MYRIP: variants seen among roughly 807,000 people sequenced by gnomAD.
MYRIP encodes myosin VIIA and Rab interacting protein.
A neutral mutation model predicts 98.0 loss-of-function variants in MYRIP; 49 were observed. The observed-to-expected ratio is 0.50, with a 90% CI of 0.40 to 0.63. The LOEUF is 0.63. MYRIP is among the 30% of genes least tolerant of loss of function. The pLI, the probability that MYRIP is intolerant of heterozygous loss-of-function variation, is 0.00. For synonymous variants in MYRIP, 404 were observed against 409.5 expected (o/e 0.99, Z 0.16); for missense variants, 1,004 against 1,058.2 (o/e 0.95, Z 0.71).
At chr3:39,901,037 T>A (rs372919210) in intron 2 of MYRIP, 111 bp downstream of exon 2, 4 of 726,978 alleles carry the variant, frequency 5.5e-6, no homozygotes, top group Admixed American at 5.0e-5. Flanking sequence ...TATACACTTA[T>A]GTTTGTCAGA....
intron 11 of MYRIP, among the ~76,000 whole-genome samples, chr3:40,229,543 G>A (rs570688444): frequency 3.0e-4 from 46 of 152,326 alleles, no homozygotes; most frequent in Non-Finnish European, 4.7e-4. Context: ...CTTCACGGAG[G>A]TTGACAGTAG....
intron 1 of MYRIP, among the ~76,000 whole-genome samples, chr3:39,880,561 G>C (rs1943133749): frequency 6.6e-6 from 1 of 152,198 alleles, no homozygotes; most frequent in Admixed American, 6.5e-5. Flanking sequence ...GAACCAGACA[G>C]CTTGGTTCAT....
chr3:40,223,535 G>A (rs1205225206), intron 11 of MYRIP, among the ~76,000 whole-genome samples: 3 of 152,194 alleles, frequency 2.0e-5, no homozygotes, highest in African/African-American at 7.2e-5. Flanking sequence ...TCTTTTGGGA[G>A]GGGAATAGGG....
intron 12 of MYRIP, among the ~76,000 whole-genome samples, 163 bp from the exon 13 acceptor site, chr3:40,244,283 A>G (rs990563814): frequency 1.3e-5 from 2 of 152,214 alleles, no homozygotes; most frequent in Non-Finnish European, 2.9e-5. Context: ...GACCTCACAC[A>G]TTTAAGTGTG....
intron 3 of MYRIP, among the ~76,000 whole-genome samples, chr3:40,088,470 A>T (rs550114946): frequency 6.6e-6 from 1 of 152,306 alleles, no homozygotes; most frequent in East Asian, 1.9e-4. Context: ...TTATTCATTC[A>T]TCCAGCTGAT....
intron 1 of MYRIP, among the ~76,000 whole-genome samples, chr3:39,866,362 G>C (rs1221109774): frequency 1.3e-5 from 2 of 152,008 alleles, no homozygotes; most frequent in Admixed American, 6.6e-5. Flanking sequence ...AGTGAATTCA[G>C]CAAACCTGCA....
rs370351983 is a variant in MYRIP at position 40,118,419 on chromosome 3, C to T, written c.333-32629C>T. Among the ~76,000 whole-genome samples, 59 of 152,066 alleles carry T rather than the reference C, an allele frequency of 3.9e-4. No homozygotes were observed. The South Asian group carries it at 9.8e-3, about 25-fold the overall frequency. ...TAAAGATCATTCCCTGAAGCACTGA[C>T]GTAATAGCAGATTAGGAAACAATCT... On this transcript the variant is annotated intron_variant, in intron 3 of 16. Coordinates refer to ENST00000302541, the MANE Select transcript of MYRIP (RefSeq NM_015460.4).
chr3:40,134,482 G>A (rs1429838614), intron 3 of MYRIP, among the ~76,000 whole-genome samples: 1 of 152,242 alleles, frequency 6.6e-6, no homozygotes, highest in Non-Finnish European at 1.5e-5. Flanking sequence ...ACAAAAGACA[G>A]CAATAACCTC....
At chr3:40,183,574 G>A (rs952086205) in intron 9 of MYRIP, among the ~76,000 whole-genome samples, 3 of 152,202 alleles carry the variant, frequency 2.0e-5, no homozygotes, top group African/African-American at 7.2e-5. Context: ...GGGCCATGAA[G>A]CCCCTGTGCT....
At chr3:40,197,904 A>C (rs1052500231) in intron 10 of MYRIP, among the ~76,000 whole-genome samples, 1 of 152,158 alleles carries the variant, frequency 6.6e-6, no homozygotes, top group African/African-American at 2.4e-5. Flanking sequence ...AATGCCCACA[A>C]ATAATTTCCA....
At chr3:39,976,901 G>T (rs958525762) in intron 2 of MYRIP, among the ~76,000 whole-genome samples, 1 of 152,036 alleles carries the variant, frequency 6.6e-6, no homozygotes, top group Admixed American at 6.6e-5. Context: ...CGTTGTGGGA[G>T]GAGGGGAGTG....
At chr3:39,907,567 A>G (rs1223657931) in intron 2 of MYRIP, among the ~76,000 whole-genome samples, 1 of 152,108 alleles carries the variant, frequency 6.6e-6, no homozygotes, top group Non-Finnish European at 1.5e-5. Flanking sequence ...TCCCTTTGAC[A>G]CTGGATGGAA....
In MYRIP at chr3:40,136,329, A is replaced by G. The variant is rs182861099; in HGVS notation, c.333-14719A>G. Reference sequence around the variant, plus strand: ...TAAAGGGATCAATTCAACAAGAAGAACTAACTATCCTAAATATATATGCAC... The same window carrying G: ...TAAAGGGATCAATTCAACAAGAAGAGCTAACTATCCTAAATATATATGCAC... On this transcript the variant is annotated intron_variant, in intron 3 of 16. Transcript: ENST00000302541. Among the ~76,000 whole-genome samples the G allele has an allele frequency of 9.9e-3, 1,511 of 152,200 alleles. 22 individuals carry two copies. The highest frequency in any genetic ancestry group is 0.035 in the African/African-American group (1,442 of 41,546).
At chr3:40,206,329 C>G (rs6779490) in intron 10 of MYRIP, among the ~76,000 whole-genome samples, 69,337 of 151,928 alleles carry the variant, frequency 0.46, 16,751 homozygotes, top group Non-Finnish European at 0.55. Flanking sequence ...CCAAATAATA[C>G]TGTTATTTTT....
At chr3:40,157,503 GCCTCATAAAATGAGTTAGGGAGGATTC>G (rs1950270549) in intron 4 of MYRIP, among the ~76,000 whole-genome samples, 2 of 150,390 alleles carry the variant, frequency 1.3e-5, no homozygotes, top group African/African-American at 2.4e-5. Flanking sequence ...GATGATGCTG[GCCTCATAAAATGAGTTAGGGAGGATTC>G]CCTCTTTTTC....
chr3:40,216,992 C>T (rs919609469), intron 11 of MYRIP, among the ~76,000 whole-genome samples: 4 of 152,056 alleles, frequency 2.6e-5, no homozygotes, highest in Non-Finnish European at 4.4e-5. Flanking sequence ...TTTTAAATTA[C>T]AGACAAATAT....
At chr3:40,080,236 G>A (rs1559391717) in intron 3 of MYRIP, among the ~76,000 whole-genome samples, 2 of 152,188 alleles carry the variant, frequency 1.3e-5, no homozygotes, top group South Asian at 2.1e-4. Flanking sequence ...ATATTAATTA[G>A]TTTTCTAAAA....
At chr3:39,972,998 A>G (rs1397614364) in intron 2 of MYRIP, among the ~76,000 whole-genome samples, 1 of 152,032 alleles carries the variant, frequency 6.6e-6, no homozygotes, top group Non-Finnish European at 1.5e-5. Context: ...AAATAAATAG[A>G]GAATGTATAT....
rs556113845 is a variant in MYRIP at position 39,901,719 on chromosome 3, A to G, written c.110+793A>G. Among the ~76,000 whole-genome samples the G allele has an allele frequency of 1.8e-3, 281 of 152,316 alleles. 1 individual carries two copies. The highest frequency in any genetic ancestry group is 6.4e-3 in the African/African-American group (265 of 41,576). On this transcript the variant is annotated intron_variant, in intron 2 of 16. Transcript: ENST00000302541. ...CACTAAGCAAAAACCTGTTTTGCTC[A>G]CTTTGATTATCCAACAGCTAGAACA... is the stretch of plus-strand genomic sequence containing the variant.
Sources: gnomAD v4.1 joint callset for allele counts (sites outside exome capture counted in the v4.1 genomes callset) on GRCh38, gnomAD v4.1.1 for gene constraint, MANE v1.5 for transcripts, NCBI Gene and HGNC (gene_info 2026-07-23, HGNC 2026-07-21) for gene names.